Variants in RUSC2 observed in about 807,000 individuals in gnomAD.
The protein encoded by RUSC2 is AP-4 complex accessory subunit RUSC2.
A neutral mutation model predicts 122.2 loss-of-function variants in RUSC2; 34 were observed. That is an observed-to-expected ratio of 0.28 (90% CI 0.21 to 0.37). RUSC2 has a LOEUF of 0.37. RUSC2 is among the 10% of genes least tolerant of loss of function. The probability of loss-of-function intolerance (pLI) is 1.00; values close to 1 mark genes in which losing one functional copy is unlikely to be tolerated. For missense variants in RUSC2, 1,747 were observed against 1,952.4 expected (o/e 0.89, Z 1.98); for synonymous variants, 784 against 790.0 (o/e 0.99, Z 0.13).
intron 1 of RUSC2, among the ~76,000 whole-genome samples, chr9:35,512,142 C>T (rs1420484135): frequency 1.3e-5 from 2 of 151,908 alleles, no homozygotes; most frequent in Non-Finnish European, 2.9e-5. Flanking sequence ...GATCGCGCCA[C>T]TGCACTCCAG....
chr9:35,502,264 T>C (rs1162180133), intron 1 of RUSC2, among the ~76,000 whole-genome samples: 5 of 152,186 alleles, frequency 3.3e-5, no homozygotes, highest in African/African-American at 1.2e-4. Flanking sequence ...TTAGTGGTTC[T>C]CAAAATGTAA....
At chr9:35,529,757 G>A (rs1301698548) in intron 1 of RUSC2, among the ~76,000 whole-genome samples, 1 of 151,986 alleles carries the variant, frequency 6.6e-6, no homozygotes, top group Non-Finnish European at 1.5e-5. Flanking sequence ...AATGAGCATG[G>A]TGTGTAATGA....
intron 9 of RUSC2, 70 bp downstream of exon 9, chr9:35,559,342 G>A (rs1587871713): frequency 1.5e-6 from 2 of 1,336,900 alleles, no homozygotes; most frequent in Non-Finnish European, 2.2e-6. Context: ...GGAAGGAAGA[G>A]CTGTCTTTTC....
chr9:35,530,843 T>C (rs1015494492), intron 1 of RUSC2, among the ~76,000 whole-genome samples: 2 of 152,122 alleles, frequency 1.3e-5, no homozygotes, highest in South Asian at 2.1e-4. Flanking sequence ...TTCACCACGT[T>C]GGCCAGGCTG....
chr9:35,534,672 C>T (rs1475726835), intron 1 of RUSC2, among the ~76,000 whole-genome samples: 3 of 151,968 alleles, frequency 2.0e-5, no homozygotes, highest in Admixed American at 2.0e-4. Context: ...TTGGTAGAGA[C>T]AGGTTTTGCC....
intron 1 of RUSC2, among the ~76,000 whole-genome samples, chr9:35,502,541 A>G (rs1319738999): frequency 6.6e-6 from 1 of 152,266 alleles, no homozygotes; most frequent in Non-Finnish European, 1.5e-5. Flanking sequence ...TTAAAAGTGT[A>G]CATTTTCCCT....
Position 35,561,085 on chromosome 9 carries a change from C to T in RUSC2, c.4337C>T (p.Ser1446Phe). The change falls in exon 11 of 12, where the codon TCC (serine) becomes TTC (phenylalanine). Residue 1446 changes from serine to phenylalanine, a missense_variant. Coordinates refer to ENST00000361226, the MANE Select transcript of RUSC2 (RefSeq NM_014806.5). ...LQEPHSPALP[S>F]SPPCEVQALC... is the part of the protein sequence containing the mutation. The stretch of plus-strand genomic sequence containing the variant: ...GAGCCACACTCCCCAGCCCTGCCCT[C>T]CAGTCCTCCGTGGTAAGCCTGGGGA... 6.2e-7 allele frequency: 1 copy of T among 1,614,072 alleles called. No homozygotes were observed. The highest frequency in any genetic ancestry group is 2.2e-5 in the East Asian group (1 of 44,876).
In RUSC2 at chr9:35,555,393, T is replaced by C. The variant is rs1478651719; in HGVS notation, c.2348T>C (p.Ile783Thr). Residue 783 changes from isoleucine to threonine, a missense_variant, in exon 3 of 12, where the codon ATC becomes ACC. Ile to Thr is a moderately conservative substitution (Grantham distance 89, BLOSUM62 -1). Coordinates refer to ENST00000361226, the MANE Select transcript of RUSC2 (RefSeq NM_014806.5). The surrounding 1 kb of genome is among the most constrained non-coding windows in gnomAD (Gnocchi z 4.6). ...RPSPLGSYSP[I>T]RSVGPFGPST... The stretch of plus-strand genomic sequence containing the variant: ...TCGCCCCTGGGCAGCTACTCCCCCA[T>C]CCGGAGTGTTGGCCCCTTTGGGCCC... The C allele has an allele frequency of 6.2e-7, 1 of 1,614,160 alleles. No homozygotes were observed.
intron 1 of RUSC2, among the ~76,000 whole-genome samples, chr9:35,497,441 G>C (rs1820740355): frequency 1.3e-5 from 2 of 152,010 alleles, no homozygotes; most frequent in Non-Finnish European, 2.9e-5. Context: ...TTGTTCCATG[G>C]GTCAACAACT....
chr9:35,541,798 C>T (rs1413421814), intron 1 of RUSC2, among the ~76,000 whole-genome samples: 1 of 151,908 alleles, frequency 6.6e-6, no homozygotes, highest in Non-Finnish European at 1.5e-5. Context: ...GTTAGGATTC[C>T]TGAGTCTCAT....
chr9:35,501,627 A>G (rs1398218429), intron 1 of RUSC2, among the ~76,000 whole-genome samples: 1 of 152,232 alleles, frequency 6.6e-6, no homozygotes, highest in East Asian at 1.9e-4. Context: ...TATGACTCCA[A>G]GGTAGAAAGA....
rs753801948 is a variant in RUSC2, at chr9:35,548,346, C to T, written c.1825C>T (p.Leu609Phe). The T allele has an allele frequency of 2.5e-6, 4 of 1,614,110 alleles. No homozygotes were observed. The highest frequency in any genetic ancestry group is 1.1e-5 in the South Asian group (1 of 91,090). ...PMPLGPGMDL[L>F]GPDPSPPWST... is the part of the protein sequence containing the mutation. ...GCCTTTGGGGCCAGGCATGGACCTA[C>T]TTGGCCCAGACCCAAGTCCACCCTG... The change falls in exon 2 of 12, where the codon CTT (leucine) becomes TTT (phenylalanine). Residue 609 changes from leucine (L) to phenylalanine (F), a missense_variant. Leu to Phe is a conservative substitution (Grantham distance 22). Coordinates refer to ENST00000361226, the MANE Select transcript of RUSC2 (RefSeq NM_014806.5). This position sits in a 1 kb window ranked among gnomAD's most constrained non-coding sequence, Gnocchi z 4.5.
At position 35,560,239 on chromosome 9, in the gene RUSC2, T is replaced by C; in HGVS notation, c.3599T>C (p.Leu1200Pro). 6.2e-7 allele frequency: 1 copy of C among 1,601,660 alleles called. No individual in the cohort carries two copies. Among genetic ancestry groups the C allele is most frequent in the Admixed American group, 1.7e-5 (1 of 59,606 alleles). Reference sequence around the variant, plus strand: ...CTGCGGGTGTCCCAGGACCTGCTGCTGTCTGCCCACTCCACGCTGCAGCTG... The same window carrying C: ...CTGCGGGTGTCCCAGGACCTGCTGCCGTCTGCCCACTCCACGCTGCAGCTG... ...ELLRVSQDLL[L>P]SAHSTLQLAR... Residue 1200 changes from leucine (L) to proline (P), a missense_variant, in exon 10 of 12, where the codon CTG (leucine) becomes CCG (proline). Coordinates refer to ENST00000361226, the MANE Select transcript of RUSC2 (RefSeq NM_014806.5).
chr9:35,556,973 G>A (rs1822034555), intron 5 of RUSC2, among the ~76,000 whole-genome samples: 1 of 152,190 alleles, frequency 6.6e-6, no homozygotes, highest in African/African-American at 2.4e-5. Flanking sequence ...TCAGAGTCAC[G>A]CTCCGGTCCC....
intron 1 of RUSC2, among the ~76,000 whole-genome samples, chr9:35,516,032 C>A (rs868683183): frequency 8.7e-5 from 7 of 80,084 alleles, no homozygotes; most frequent in Admixed American, 2.9e-4. Flanking sequence ...AAGAGAAATG[C>A]GCTTATGACA....
chr9:35,526,193 A>T (rs1412496813), intron 1 of RUSC2, among the ~76,000 whole-genome samples: 1 of 152,140 alleles, frequency 6.6e-6, no homozygotes, highest in Non-Finnish European at 1.5e-5. Flanking sequence ...CAATGTTTAT[A>T]TTCATGCCTG....
intron 1 of RUSC2, among the ~76,000 whole-genome samples, chr9:35,498,351 C>T (rs942569321): frequency 6.6e-6 from 1 of 151,910 alleles, no homozygotes; most frequent in African/African-American, 2.4e-5. Context: ...CCAGCCCGGC[C>T]AAAATGGCGA....
chr9:35,532,916 T>C (rs1019192422), intron 1 of RUSC2, among the ~76,000 whole-genome samples: 1 of 149,756 alleles, frequency 6.7e-6, no homozygotes, highest in Non-Finnish European at 1.5e-5. Context: ...AAGGAGAGAG[T>C]GGAGAGAGAA....
At position 35,557,781 on chromosome 9, in the gene RUSC2, T is replaced by A; in HGVS notation, c.2984-133T>A. On this transcript the variant is annotated intron_variant, in intron 5 of 11. Coordinates refer to ENST00000361226, the MANE Select transcript of RUSC2 (RefSeq NM_014806.5). This position sits in a 1 kb window ranked among gnomAD's most constrained non-coding sequence, Gnocchi z 4.6. ...AAAGGGCCAGGCCTGAATGTTTTGA[T>A]AAGACCCATGTGCAGATGTGGAGAC... 1 of 736,166 alleles carries A rather than the reference T, an allele frequency of 1.4e-6. No homozygotes were observed. The allele number at this position is 736,166 out of a possible 1,614,324, so 45.6% of individuals were successfully genotyped here.
Sources: allele counts gnomAD v4.1 joint callset (sites outside exome capture counted in the v4.1 genomes callset), GRCh38; gene constraint gnomAD v4.1.1; non-coding constraint Gnocchi (gnomAD v3.1); transcripts MANE v1.5; gene names NCBI Gene and HGNC (gene_info 2026-07-23, HGNC 2026-07-21).